The following SYNCRIP variants were observed in gnomAD, a reference collection of about 807,000 sequenced individuals.
SYNCRIP encodes synaptotagmin binding cytoplasmic RNA interacting protein, also known as heterogeneous nuclear ribonucleoprotein Q.
In SYNCRIP, 9 loss-of-function variants were observed where a neutral mutation model predicts 68.9. The ratio of observed to expected loss-of-function variants is 0.13; its 90% CI spans 0.08 to 0.23. The LOEUF (loss-of-function observed/expected upper bound fraction) is 0.23. Ranked by LOEUF, SYNCRIP falls within the 10% of genes least tolerant of loss-of-function variation. The pLI is 1.00. For synonymous variants in SYNCRIP, 258 were observed against 254.0 expected (o/e 1.02, Z -0.15); for missense variants, 414 against 770.6 (o/e 0.54, Z 5.48).
rs755941343 is a variant in SYNCRIP at position 85,640,205 on chromosome 6, G to A, written c.375+16C>T. ...TAAAATGACTTTAAAACTAAAGGGAGTATAGAAAGACATACCTTAATTTTT... is the reference window on the plus strand; with the variant it reads ...TAAAATGACTTTAAAACTAAAGGGAATATAGAAAGACATACCTTAATTTTT... On this transcript the variant is annotated intron_variant, in intron 4 of 10. Coordinates refer to ENST00000369622, the MANE Select transcript of SYNCRIP (RefSeq NM_006372.5). 6.4e-7 allele frequency: 1 copy of A among 1,555,100 alleles called. No homozygotes were observed. Among genetic ancestry groups the A allele is most frequent in the Non-Finnish European group, 8.9e-7 (1 of 1,128,306 alleles).
intron 10 of SYNCRIP, among the ~76,000 whole-genome samples, chr6:85,618,016 G>A (rs181153144): frequency 2.0e-5 from 3 of 152,180 alleles, no homozygotes; most frequent in Admixed American, 6.5e-5. Flanking sequence ...TTGCACTACT[G>A]TGTTATAATT....
intron 4 of SYNCRIP, among the ~76,000 whole-genome samples, chr6:85,639,085 G>A (rs562852067): frequency 6.6e-6 from 1 of 152,268 alleles, no homozygotes; most frequent in Admixed American, 6.5e-5. Flanking sequence ...GCACCCACCG[G>A]TAGTCCCAGC....
At chr6:85,631,423 A>G (rs1358533551) in intron 6 of SYNCRIP, among the ~76,000 whole-genome samples, 2 of 151,778 alleles carry the variant, frequency 1.3e-5, no homozygotes, top group African/African-American at 4.8e-5. Context: ...GGAAAGAGGT[A>G]AGAAGGAACT....
intron 1 of SYNCRIP, among the ~76,000 whole-genome samples, chr6:85,641,775 GGT>G (rs1385668159): frequency 1.3e-5 from 2 of 152,280 alleles, no homozygotes; most frequent in East Asian, 1.9e-4. Flanking sequence ...CGGAAAATGA[GGT>G]GTGTGTGGAG....
In SYNCRIP at chr6:85,627,382, A is replaced by T. The variant is rs561048765; in HGVS notation, c.667-3270T>A. On this transcript the variant is annotated intron_variant, in intron 6 of 10. Coordinates refer to ENST00000369622, the MANE Select transcript of SYNCRIP (RefSeq NM_006372.5). ...CGAACAAAGTAAGGAGACTCTGGGT[A>T]CAACTATAACAAAAGTAGTACCTAG... is the stretch of plus-strand genomic sequence containing the variant. Among the ~76,000 whole-genome samples the T allele has an allele frequency of 2.0e-5, 3 of 152,286 alleles. No individual in the cohort carries two copies. The South Asian group carries it at 6.2e-4, about 32-fold the overall frequency.
intron 5 of SYNCRIP, 36 bp from the exon 6 acceptor site, chr6:85,637,179 T>C (rs767630869): frequency 8.1e-6 from 13 of 1,605,846 alleles, no homozygotes; most frequent in East Asian, 4.5e-5. Flanking sequence ...CCATGGAGAA[T>C]TGCTTTAGGA....
chr6:85,643,110 C>G (rs896396107), upstream of SYNCRIP: 3 of 153,362 alleles, frequency 2.0e-5, no homozygotes, highest in Non-Finnish European at 4.3e-5. Context: ...ACCACCACCA[C>G]TAGCCTCTGT....
upstream of SYNCRIP, chr6:85,643,013 T>A (rs1183033122): frequency 8.4e-6 from 1 of 118,364 alleles, no homozygotes; most frequent in Admixed American, 8.5e-5. Context: ...TCCCTTCCCT[T>A]CCCTTCCCTC....
chr6:85,642,611 A>T (rs548442587), intron 1 of SYNCRIP, among the ~76,000 whole-genome samples, 186 bp downstream of exon 1: 1 of 152,354 alleles, frequency 6.6e-6, no homozygotes, highest in Non-Finnish European at 1.5e-5. Context: ...CCGCAGCAGC[A>T]CATGGAAAGG....
At chr6:85,630,602 C>G (rs529590363) in intron 6 of SYNCRIP, among the ~76,000 whole-genome samples, 3 of 152,284 alleles carry the variant, frequency 2.0e-5, no homozygotes, top group African/African-American at 7.2e-5. Flanking sequence ...CAAACAACCC[C>G]TAGGTAGGTA....
At chr6:85,642,597 C>G (rs562189529) in intron 1 of SYNCRIP, among the ~76,000 whole-genome samples, 200 bp downstream of exon 1, 1 of 152,328 alleles carries the variant, frequency 6.6e-6, no homozygotes, top group East Asian at 1.9e-4. Context: ...AGACAAAGCC[C>G]GAACCGCAGC....
intron 6 of SYNCRIP, among the ~76,000 whole-genome samples, chr6:85,628,452 T>G (rs1807316773): frequency 6.6e-6 from 1 of 152,244 alleles, no homozygotes; most frequent in Admixed American, 6.5e-5. Flanking sequence ...GCATTTCATA[T>G]ACCTGGCACA....
Position 85,624,059 on chromosome 6 carries a change from A to G in SYNCRIP, c.720T>C (p.Val240=). 6.2e-7 allele frequency: 1 copy of G among 1,613,936 alleles called. No individual in the cohort carries two copies. The highest frequency in any genetic ancestry group is 8.5e-7 in the Non-Finnish European group (1 of 1,179,874). ...SGKHIGVCIS[V]ANNRLFVGSI... ...AGCCCACAAAAAGCCTATTGTTGGC[A>G]ACTGAGATGCAGACACCAATATGTT... The change falls in exon 7 of 11, where the codon GTT becomes GTC. Residue 240 remains valine, a synonymous_variant. Transcript: ENST00000369622.
intron 6 of SYNCRIP, among the ~76,000 whole-genome samples, chr6:85,636,676 C>T (rs1173936541): frequency 6.6e-6 from 1 of 152,096 alleles, no homozygotes; most frequent in South Asian, 2.1e-4. Context: ...TTTTCTTAAT[C>T]TTTTCACATT....
downstream of SYNCRIP, chr6:85,612,909 G>C: frequency 1.3e-6 from 2 of 1,550,702 alleles, no homozygotes; most frequent in Non-Finnish European, 1.7e-6. Flanking sequence ...GACCGGCCTC[G>C]ACCCCTTTTC....
intron 8 of SYNCRIP, among the ~76,000 whole-genome samples, chr6:85,621,472 G>C (rs1192823316): frequency 6.6e-6 from 1 of 152,038 alleles, no homozygotes; most frequent in East Asian, 1.9e-4. Flanking sequence ...AATTAGCCAG[G>C]TGTGGTAGTA....
intron 8 of SYNCRIP, among the ~76,000 whole-genome samples, chr6:85,620,197 G>T (rs1162432826): frequency 6.6e-6 from 1 of 152,176 alleles, no homozygotes; most frequent in Non-Finnish European, 1.5e-5. Flanking sequence ...AGTAAGCCGA[G>T]ATCGTGCCAC....
intron 4 of SYNCRIP, among the ~76,000 whole-genome samples, chr6:85,639,562 G>A (rs142241462): frequency 1.9e-4 from 29 of 152,152 alleles, no homozygotes; most frequent in African/African-American, 5.1e-4. Context: ...TAAACCATAC[G>A]CTTGGCTCAA....
chr6:85,629,450 G>C (rs1014470998), intron 6 of SYNCRIP, among the ~76,000 whole-genome samples: 1 of 148,620 alleles, frequency 6.7e-6, no homozygotes, highest in African/African-American at 2.5e-5. Flanking sequence ...CTGTTCATGA[G>C]GCCGAAGCAA....
Sources: allele counts gnomAD v4.1 joint callset (sites outside exome capture counted in the v4.1 genomes callset), GRCh38; gene constraint gnomAD v4.1.1; transcripts MANE v1.5; gene names NCBI Gene and HGNC (gene_info 2026-07-23, HGNC 2026-07-21).